RICTOR: variants seen among roughly 807,000 people sequenced by gnomAD.
RICTOR encodes the protein RPTOR independent companion of MTOR complex 2, also known as rapamycin-insensitive companion of mTOR.
In RICTOR, 49 loss-of-function variants were observed where a neutral mutation model predicts 214.9. That is an observed-to-expected ratio of 0.23 (90% CI 0.18 to 0.29). The LOEUF (loss-of-function observed/expected upper bound fraction) is 0.29. RICTOR is among the 10% of genes least tolerant of loss of function. The probability of loss-of-function intolerance (pLI) is 1.00; values close to 1 mark genes in which losing one functional copy is unlikely to be tolerated. For synonymous variants in RICTOR, 717 were observed against 711.3 expected, an observed-to-expected ratio of 1.01 and a Z score of -0.13; for missense variants, 1,625 against 2,047.0, an observed-to-expected ratio of 0.79 and a Z score of 3.98.
intron 31 of RICTOR, among the ~76,000 whole-genome samples, chr5:38,948,483 A>C (rs989928216): frequency 2.0e-5 from 3 of 152,060 alleles, no homozygotes; most frequent in Non-Finnish European, 4.4e-5. Flanking sequence ...TTCCTATTTC[A>C]ACCAGTATAG....
At chr5:38,968,282 A>G (rs749491785) in intron 11 of RICTOR, among the ~76,000 whole-genome samples, 2 of 152,128 alleles carry the variant, frequency 1.3e-5, no homozygotes, top group Non-Finnish European at 2.9e-5. Flanking sequence ...GGGCAATATT[A>G]CTGAACTGTT....
intron 2 of RICTOR, among the ~76,000 whole-genome samples, chr5:39,068,301 G>A (rs1759046936): frequency 6.6e-6 from 1 of 152,198 alleles, no homozygotes; most frequent in South Asian, 2.1e-4. Flanking sequence ...TTCTCAAGTA[G>A]GGGCATACAG....
intron 6 of RICTOR, among the ~76,000 whole-genome samples, chr5:38,992,189 CTG>C (rs1205609524): frequency 6.6e-6 from 1 of 152,020 alleles, no homozygotes; most frequent in Non-Finnish European, 1.5e-5. Context: ...TCTCCAATAA[CTG>C]TAGAATCTAC....
Position 39,001,260 on chromosome 5 carries a change from T to A in RICTOR, c.392+1275A>T, listed in dbSNP as rs1389060823. ...GGACAAATATACCAACTAAAGAGGA[T>A]AGAGAACCCAACAATAGATTGCTAC... On this transcript the variant is annotated intron_variant, in intron 5 of 37. Transcript: ENST00000357387. Among the ~76,000 whole-genome samples, 4 of 152,046 alleles carry A rather than the reference T, an allele frequency of 2.6e-5. No individual in the cohort carries two copies. The East Asian group carries it at 7.7e-4, about 29-fold the overall frequency.
intron 7 of RICTOR, among the ~76,000 whole-genome samples, chr5:38,982,448 A>G (rs1751786921): frequency 6.6e-6 from 1 of 152,222 alleles, no homozygotes. Context: ...ACAGTTTAAT[A>G]ATTTTAAGCT....
In RICTOR at chr5:39,035,430, G is replaced by A. The variant is rs191924359; in HGVS notation, c.98-14294C>T. ...ATCAGAGCACCTCTCACCCTCCAAA[G>A]TAACACAGCTCCTCACCAGCAATGG... On this transcript the variant is annotated intron_variant, in intron 2 of 37. Transcript: ENST00000357387. Among the ~76,000 whole-genome samples the A allele has an allele frequency of 4.7e-4, 72 of 152,304 alleles. No homozygotes were observed. In the East Asian group the frequency reaches 0.014, roughly 29 times the overall value.
At chr5:38,995,787 C>G (rs1432625358) in intron 6 of RICTOR, among the ~76,000 whole-genome samples, 7 of 151,910 alleles carry the variant, frequency 4.6e-5, no homozygotes, top group Non-Finnish European at 1.0e-4. Flanking sequence ...TAAATAAAAA[C>G]CATAGATTTT....
At chr5:39,017,113 G>A (rs1262141109) in intron 3 of RICTOR, among the ~76,000 whole-genome samples, 1 of 152,054 alleles carries the variant, frequency 6.6e-6, no homozygotes, top group Admixed American at 6.6e-5. Context: ...TAGTAACAAA[G>A]TAAAATAACA....
intron 2 of RICTOR, among the ~76,000 whole-genome samples, chr5:39,059,278 G>A (rs1758387166): frequency 6.6e-6 from 1 of 152,124 alleles, no homozygotes; most frequent in Admixed American, 6.5e-5. Context: ...TACATCTACT[G>A]CATGAGTACA....
At chr5:38,988,091 T>C (rs1384733815) in intron 7 of RICTOR, among the ~76,000 whole-genome samples, 1 of 152,192 alleles carries the variant, frequency 6.6e-6, no homozygotes, top group Non-Finnish European at 1.5e-5. Context: ...TTCTGTTCTT[T>C]TGCATTTGCT....
At chr5:39,018,012 C>T (rs62359835) in intron 3 of RICTOR, among the ~76,000 whole-genome samples, 27,323 of 151,948 alleles carry the variant, frequency 0.18, 2,669 homozygotes, top group Middle Eastern at 0.22. Context: ...TAAAATGATT[C>T]TTTCATTAAA....
chr5:38,953,797 T>G (rs1749001049), intron 27 of RICTOR, among the ~76,000 whole-genome samples: 1 of 151,826 alleles, frequency 6.6e-6, no homozygotes, highest in South Asian at 2.1e-4. Flanking sequence ...CATCCTTTGA[T>G]TTCCTAATAT....
chr5:38,973,634 C>A (rs549336105), intron 10 of RICTOR, among the ~76,000 whole-genome samples: 1 of 152,280 alleles, frequency 6.6e-6, no homozygotes, highest in East Asian at 1.9e-4. Flanking sequence ...TCTATGTTCT[C>A]TTTAGATTCA....
At chr5:39,036,666 C>T (rs536405058) in intron 2 of RICTOR, among the ~76,000 whole-genome samples, 1 of 152,086 alleles carries the variant, frequency 6.6e-6, no homozygotes, top group African/African-American at 2.4e-5. Flanking sequence ...GGGTTGCAAT[C>T]CTAGTCTCTG....
chr5:39,017,319 G>A (rs1426354870), intron 3 of RICTOR, among the ~76,000 whole-genome samples: 1 of 151,990 alleles, frequency 6.6e-6, no homozygotes, highest in Non-Finnish European at 1.5e-5. Context: ...AGTGAAGACT[G>A]GTGAAATAAA....
intron 3 of RICTOR, among the ~76,000 whole-genome samples, chr5:39,009,576 T>A (rs572946114): frequency 6.7e-6 from 1 of 149,862 alleles, no homozygotes; most frequent in African/African-American, 2.5e-5. Context: ...TTTCCAGACA[T>A]AGTAAATGGA....
At chr5:38,949,342 T>C in intron 31 of RICTOR, 1 of 1,530,748 alleles carries the variant, frequency 6.5e-7, no homozygotes, top group Non-Finnish European at 8.7e-7. Context: ...TTTTGGAGCC[T>C]TAAATTGACC....
rs183892184 is a variant in RICTOR at position 39,058,994 on chromosome 5, G to A, written c.97+15117C>T. ...CAGGCTGAAGACACAGAAGAGAAAT[G>A]GAGAAGATGATTTAAAATTTTTAAA... is the stretch of plus-strand genomic sequence containing the variant. On this transcript the variant is annotated intron_variant, in intron 2 of 37. Coordinates refer to ENST00000357387, the MANE Select transcript of RICTOR (RefSeq NM_152756.5). Among the ~76,000 whole-genome samples, 15 of 152,212 alleles carry A rather than the reference G, an allele frequency of 9.9e-5. No individual in the cohort carries two copies. In the East Asian group the frequency reaches 2.9e-3, roughly 29 times the overall value.
At chr5:39,029,127 G>A (rs1435339448) in intron 2 of RICTOR, among the ~76,000 whole-genome samples, 1 of 152,076 alleles carries the variant, frequency 6.6e-6, no homozygotes, top group Non-Finnish European at 1.5e-5. Context: ...GTTTAGGGAA[G>A]GGGATAAAAA....
Sources: allele counts gnomAD v4.1 joint callset (sites outside exome capture counted in the v4.1 genomes callset), GRCh38; gene constraint gnomAD v4.1.1; transcripts MANE v1.5; gene names NCBI Gene and HGNC (gene_info 2026-07-23, HGNC 2026-07-21).